The following NEDD9 variants were observed in gnomAD, a reference collection of about 807,000 sequenced individuals.
The protein encoded by NEDD9 is enhancer of filamentation 1.
A neutral mutation model predicts 76.6 loss-of-function variants in NEDD9; 26 were observed. The observed-to-expected ratio is 0.34, with a 90% CI of 0.25 to 0.47. NEDD9 has a LOEUF of 0.47. Among genes scored for constraint, NEDD9 ranks in the 20% least tolerant of loss-of-function variants. The probability of loss-of-function intolerance (pLI) is 1.00; values close to 1 mark genes in which losing one functional copy is unlikely to be tolerated. For synonymous variants in NEDD9, 392 were observed against 414.2 expected, an observed-to-expected ratio of 0.95 and a Z score of 0.65; for missense variants, 937 against 1,058.5, an observed-to-expected ratio of 0.89 and a Z score of 1.59.
intron 3 of NEDD9, among the ~76,000 whole-genome samples, chr6:11,293,770 T>C (rs1760828284): frequency 6.6e-6 from 1 of 152,238 alleles, no homozygotes; most frequent in Non-Finnish European, 1.5e-5. Context: ...ATGTGTACTC[T>C]TTGACCAACA....
At chr6:11,308,361 CT>C (rs933892327) in intron 2 of NEDD9, among the ~76,000 whole-genome samples, 2,615 of 87,836 alleles carry the variant, frequency 0.03, 21 homozygotes, top group Middle Eastern at 0.083. Flanking sequence ...GATGGGACAT[CT>C]TTTTTTTTTT....
chr6:11,197,467 T>G (rs1042354953), intron 2 of NEDD9, among the ~76,000 whole-genome samples: 2 of 152,214 alleles, frequency 1.3e-5, no homozygotes, highest in Non-Finnish European at 2.9e-5. Context: ...GTGGATTTTC[T>G]GTCCCTAGGA....
chr6:11,323,688 G>C (rs1180377001), intron 2 of NEDD9, among the ~76,000 whole-genome samples: 1 of 152,194 alleles, frequency 6.6e-6, no homozygotes, highest in Non-Finnish European at 1.5e-5. Context: ...AGCTAATGCA[G>C]AAGACTTAGT....
chr6:11,196,842 T>TA (rs768134578), intron 2 of NEDD9, among the ~76,000 whole-genome samples: 44 of 152,094 alleles, frequency 2.9e-4, no homozygotes, highest in Non-Finnish European at 6.2e-4. Context: ...TTGTGACGTG[T>TA]GGAAGATCAG....
Position 11,370,444 on chromosome 6 carries a change from C to T in NEDD9, c.-214+11695G>A, listed in dbSNP as rs1003956759. Among the ~76,000 whole-genome samples, 9 of 152,256 alleles carry T rather than the reference C, an allele frequency of 5.9e-5. No homozygotes were observed. Among genetic ancestry groups the T allele is most frequent in the African/African-American group, 1.9e-4 (8 of 41,568 alleles). ...ACAGCACGCACACACGGCTGGAGGACGGCTCCCACCCCTGTCCTCCCAAGA... is the reference window on the plus strand; with the variant it reads ...ACAGCACGCACACACGGCTGGAGGATGGCTCCCACCCCTGTCCTCCCAAGA... On this transcript the variant is annotated intron_variant, in intron 1 of 3. Transcript: ENST00000397378. This position sits in a 1 kb window ranked among gnomAD's most constrained non-coding sequence, Gnocchi z 4.2.
intron 2 of NEDD9, among the ~76,000 whole-genome samples, chr6:11,194,764 T>C (rs1391130657): frequency 2.0e-5 from 3 of 152,196 alleles, no homozygotes; most frequent in Non-Finnish European, 2.9e-5. Context: ...CTGGAACCAG[T>C]GCCAATAAAA....
At chr6:11,332,181 G>A (rs899319098) in intron 2 of NEDD9, among the ~76,000 whole-genome samples, 2 of 152,206 alleles carry the variant, frequency 1.3e-5, no homozygotes, top group African/African-American at 2.4e-5. Flanking sequence ...TCTATGAAAT[G>A]TCCTTGATCT....
rs992378183 is a variant in NEDD9, at chr6:11,252,557, C to A, written c.13-38830G>T. Among the ~76,000 whole-genome samples the A allele has an allele frequency of 6.6e-6, 1 of 152,136 alleles. No individual in the cohort carries two copies. Among genetic ancestry groups the A allele is most frequent in the Non-Finnish European group, 1.5e-5 (1 of 68,010 alleles). ...GCACCCCCTTCCATGGTCAAAGAAA[C>A]CCTGTAGAGAGCAGAAAGGAGCTGG... On this transcript the variant is annotated intron_variant, in intron 3 of 3. Coordinates refer to the NEDD9 transcript ENST00000397378. This position sits in a 1 kb window ranked among gnomAD's most constrained non-coding sequence, Gnocchi z 4.3.
At chr6:11,364,468 A>C (rs1468052263) in intron 1 of NEDD9, among the ~76,000 whole-genome samples, 2 of 152,168 alleles carry the variant, frequency 1.3e-5, no homozygotes, top group Admixed American at 6.5e-5. Flanking sequence ...GGTGTGTGAC[A>C]TTATAATTAT....
chr6:11,360,615 A>T (rs113023612), intron 1 of NEDD9, among the ~76,000 whole-genome samples: 2,256 of 152,192 alleles, frequency 0.015, 52 homozygotes, highest in African/African-American at 0.052. Flanking sequence ...TGCTCCAGTC[A>T]TGGAAGATGA....
chr6:11,373,661 C>T (rs975179037), intron 1 of NEDD9, among the ~76,000 whole-genome samples: 20 of 152,176 alleles, frequency 1.3e-4, no homozygotes, highest in African/African-American at 4.8e-4. Flanking sequence ...TTAATATCTA[C>T]TAAATTATTT....
intron 5 of NEDD9, among the ~76,000 whole-genome samples, chr6:11,189,543 T>C (rs961904297): frequency 6.6e-6 from 1 of 152,150 alleles, no homozygotes; most frequent in African/African-American, 2.4e-5. Flanking sequence ...AAACTTTTTT[T>C]TCAAATAAAA....
chr6:11,193,779 C>T, intron 2 of NEDD9, 87 bp from the exon 3 acceptor site: 1 of 778,416 alleles, frequency 1.3e-6, no homozygotes, highest in Non-Finnish European at 2.1e-6. Context: ...CATCCCTCAA[C>T]TCTCCCTCAT....
intron 6 of NEDD9, 37 bp from the exon 7 acceptor site, chr6:11,185,708 G>T: frequency 6.2e-7 from 1 of 1,606,680 alleles, no homozygotes. Flanking sequence ...ATTAGAGCAA[G>T]GGAGTGTGTT....
chr6:11,339,156 C>T (rs1762224393), intron 1 of NEDD9, among the ~76,000 whole-genome samples: 1 of 152,082 alleles, frequency 6.6e-6, no homozygotes, highest in Admixed American at 6.6e-5. Flanking sequence ...TGCAGATGTA[C>T]ATTTCATTTT....
upstream of NEDD9, among the ~76,000 whole-genome samples, chr6:11,235,013 G>A (rs1759570244): frequency 6.6e-6 from 1 of 152,080 alleles, no homozygotes; most frequent in Non-Finnish European, 1.5e-5. This position sits in a 1 kb window ranked among gnomAD's most constrained non-coding sequence, Gnocchi z 4.1. Flanking sequence ...TGCCTGGCCA[G>A]TTGAACTTCT....
chr6:11,353,032 C>T (rs970933459), intron 1 of NEDD9, among the ~76,000 whole-genome samples: 4 of 152,260 alleles, frequency 2.6e-5, no homozygotes, highest in Non-Finnish European at 5.9e-5. Flanking sequence ...TGAGCGATCA[C>T]CTTTGCTGCT....
At chr6:11,313,898 A>T (rs575998461) in intron 2 of NEDD9, among the ~76,000 whole-genome samples, 141 of 152,338 alleles carry the variant, frequency 9.3e-4, no homozygotes, top group African/African-American at 3.2e-3. Context: ...GACATTTCAG[A>T]TCCTTCCCAA....
At chr6:11,315,910 G>C (rs898868639) in intron 2 of NEDD9, among the ~76,000 whole-genome samples, 1 of 152,182 alleles carries the variant, frequency 6.6e-6, no homozygotes, top group Admixed American at 6.5e-5. Flanking sequence ...CACCTGACCA[G>C]GAAAAAGGGC....
Sources: gnomAD v4.1 joint callset for allele counts (sites outside exome capture counted in the v4.1 genomes callset) on GRCh38, gnomAD v4.1.1 for gene constraint, Gnocchi (gnomAD v3.1) non-coding constraint, MANE v1.5 for transcripts, NCBI Gene and HGNC (gene_info 2026-07-23, HGNC 2026-07-21) for gene names.